FMN1: variants seen among roughly 807,000 people sequenced by gnomAD.
FMN1 encodes formin 1.
A neutral mutation model predicts 132.4 loss-of-function variants in FMN1; 110 were observed. The ratio of observed to expected loss-of-function variants is 0.83; its 90% CI spans 0.71 to 0.97. The LOEUF is 0.97. FMN1 is among the 50% of genes least tolerant of loss of function. FMN1 has a pLI of 0.00. For synonymous variants in FMN1, 722 were observed against 651.7 expected (o/e 1.11, Z -1.64); for missense variants, 1,792 against 1,705.3 (o/e 1.05, Z -0.90).
chr15:32,956,108 T>C (rs907736014), intron 9 of FMN1, among the ~76,000 whole-genome samples: 2 of 152,184 alleles, frequency 1.3e-5, no homozygotes, highest in Non-Finnish European at 2.9e-5. Context: ...AGTTACTCTC[T>C]TCCAGGTTCC....
At chr15:32,968,402 G>A (rs1018997597) in intron 8 of FMN1, among the ~76,000 whole-genome samples, 3 of 152,142 alleles carry the variant, frequency 2.0e-5, no homozygotes, top group African/African-American at 7.2e-5. Context: ...CTAATCAATT[G>A]TAGTGATGTT....
At chr15:33,122,606 G>A (rs1218318111) in intron 4 of FMN1, among the ~76,000 whole-genome samples, 3 of 152,206 alleles carry the variant, frequency 2.0e-5, no homozygotes, top group Non-Finnish European at 4.4e-5. Context: ...TAATGCAGCA[G>A]TAATAAAATC....
At chr15:32,960,932 T>C (rs1460102550) in intron 9 of FMN1, among the ~76,000 whole-genome samples, 2 of 126,976 alleles carry the variant, frequency 1.6e-5, no homozygotes, top group Non-Finnish European at 3.2e-5. Context: ...GAGGCAGAGG[T>C]TGCAGTGAGC....
intron 17 of FMN1, among the ~76,000 whole-genome samples, chr15:32,810,674 G>A (rs896446343): frequency 1.3e-5 from 2 of 152,180 alleles, no homozygotes; most frequent in African/African-American, 4.8e-5. Flanking sequence ...AATGAGAGTG[G>A]CTGAAGGAGG....
intron 4 of FMN1, among the ~76,000 whole-genome samples, chr15:33,124,901 A>C (rs1962905846): frequency 6.6e-6 from 1 of 151,616 alleles, no homozygotes; most frequent in African/African-American, 2.4e-5. Flanking sequence ...TGTTTGGCAC[A>C]AGGGCAAATG....
At chr15:33,080,105 G>GTCAACAAC (rs2038390714) in intron 5 of FMN1, among the ~76,000 whole-genome samples, 2 of 152,186 alleles carry the variant, frequency 1.3e-5, no homozygotes, top group African/African-American at 2.4e-5. Context: ...GCAAGAACAA[G>GTCAACAAC]TCACATTGTC....
In FMN1 at chr15:32,774,204, C is replaced by T; in HGVS notation, c.*106G>A. 1.1e-6 allele frequency: 1 copy of T among 884,886 alleles called. No homozygotes were observed. Among genetic ancestry groups the T allele is most frequent in the African/African-American group, 1.7e-5 (1 of 59,066 alleles). 54.8% of individuals were successfully genotyped at this position (884,886 alleles called of 1,614,324 possible). A position where few individuals can be genotyped will look rare whatever the true frequency, so the allele number is the denominator to read the frequency against. ...TCAGAAAGAGATGAGCAAAAACAAA[C>T]ATTTAGTGACACATCTTTCAAGAAC... On this transcript the variant is annotated 3_prime_UTR_variant, in exon 21 of 21. Coordinates refer to ENST00000616417, the MANE Select transcript of FMN1 (RefSeq NM_001277313.2).
chr15:33,102,513 C>T (rs1206149613), intron 4 of FMN1, among the ~76,000 whole-genome samples: 2 of 149,530 alleles, frequency 1.3e-5, no homozygotes, highest in Non-Finnish European at 3.0e-5. Context: ...TCTCTCCATC[C>T]TTCCTCATTC....
intron 5 of FMN1, among the ~76,000 whole-genome samples, chr15:33,080,013 T>C (rs890760828): frequency 3.3e-5 from 5 of 152,172 alleles, no homozygotes; most frequent in Non-Finnish European, 7.4e-5. Context: ...ACATACACAC[T>C]GACATGTACT....
At chr15:33,075,944 G>C (rs1161413621) in intron 5 of FMN1, among the ~76,000 whole-genome samples, 1 of 152,176 alleles carries the variant, frequency 6.6e-6, no homozygotes, top group Non-Finnish European at 1.5e-5. Flanking sequence ...AATCAACTTT[G>C]AAATAGTTAT....
intron 6 of FMN1, among the ~76,000 whole-genome samples, chr15:33,014,357 T>C (rs546014600): frequency 3.9e-5 from 6 of 152,136 alleles, no homozygotes; most frequent in Non-Finnish European, 5.9e-5. Context: ...AGACCAAGGA[T>C]GTGTGTATTT....
intron 6 of FMN1, among the ~76,000 whole-genome samples, chr15:33,036,513 A>G (rs1042756619): frequency 1.3e-5 from 2 of 152,216 alleles, no homozygotes. Flanking sequence ...AGAAATTAGC[A>G]TGGCTCCCAA....
At chr15:32,830,112 G>C (rs1177424119) in intron 17 of FMN1, among the ~76,000 whole-genome samples, 2 of 151,804 alleles carry the variant, frequency 1.3e-5, no homozygotes, top group Non-Finnish European at 2.9e-5. Context: ...CCCACATTCA[G>C]GCTATCCAAA....
chr15:33,162,619 T>C (rs1161311722), intron 3 of FMN1, among the ~76,000 whole-genome samples: 3 of 152,188 alleles, frequency 2.0e-5, no homozygotes, highest in Non-Finnish European at 4.4e-5. Context: ...TGGTAGGATA[T>C]TAACGCTATC....
intron 19 of FMN1, among the ~76,000 whole-genome samples, chr15:32,794,481 G>T (rs968692272): frequency 6.6e-6 from 1 of 151,944 alleles, no homozygotes; most frequent in African/African-American, 2.4e-5. Context: ...GTGCATGCGC[G>T]GGCATATGTG....
rs528247525 is a variant in FMN1 at position 32,905,596 on chromosome 15, T to A, written c.3377+2894A>T. Among the ~76,000 whole-genome samples the A allele has an allele frequency of 9.9e-4, 151 of 152,282 alleles. No individual in the cohort carries two copies. In the Middle Eastern group the frequency reaches 0.024, roughly 24 times the overall value. ...TGGTCCCAAACAGATGACACCTCTG[T>A]GGGCAATGGCTTTCTAAATCTGGCA... On this transcript the variant is annotated intron_variant, in intron 12 of 20. Coordinates refer to ENST00000616417, the MANE Select transcript of FMN1 (RefSeq NM_001277313.2).
intron 5 of FMN1, among the ~76,000 whole-genome samples, chr15:33,083,988 G>A (rs1447397806): frequency 1.3e-5 from 2 of 152,146 alleles, no homozygotes; most frequent in Non-Finnish European, 2.9e-5. Context: ...CCATGGTCAT[G>A]TTGGGAAGTT....
intron 4 of FMN1, among the ~76,000 whole-genome samples, chr15:33,152,500 C>G (rs1015343281): frequency 2.0e-5 from 3 of 152,052 alleles, no homozygotes; most frequent in African/African-American, 7.2e-5. Flanking sequence ...TGTTAAAACA[C>G]AAAAGTTTTT....
At chr15:32,780,931 T>G (rs2056642592) in intron 19 of FMN1, among the ~76,000 whole-genome samples, 1 of 152,220 alleles carries the variant, frequency 6.6e-6, no homozygotes, top group African/African-American at 2.4e-5. Flanking sequence ...TACACACATA[T>G]GAAAGTATTC....
Sources: allele counts gnomAD v4.1 joint callset (sites outside exome capture counted in the v4.1 genomes callset), GRCh38; gene constraint gnomAD v4.1.1; transcripts MANE v1.5; gene names NCBI Gene and HGNC (gene_info 2026-07-23, HGNC 2026-07-21).